Variants in ELMOD1 observed in about 807,000 individuals in gnomAD.
ELMOD1 encodes the protein ELMO domain containing 1.
Under a neutral mutation model 46.7 loss-of-function variants are expected in ELMOD1, and 21 were observed. The observed-to-expected ratio is 0.45, with a 90% CI of 0.32 to 0.65. The LOEUF is 0.65. ELMOD1 is among the 30% of genes least tolerant of loss of function. ELMOD1 has a pLI of 0.04. For synonymous variants in ELMOD1, 122 were observed against 138.2 expected (o/e 0.88, Z 0.82); for missense variants, 348 against 407.8 (o/e 0.85, Z 1.26).
chr11:107,650,543 G>T lies in ELMOD1; in HGVS notation c.623+140G>T, dbSNP rs1014788865. On this transcript the variant is annotated intron_variant, in intron 8 of 11. Coordinates refer to ENST00000265840, the MANE Select transcript of ELMOD1 (RefSeq NM_018712.4). ...CAAACAAGCCCTTGTAATAAATGCT[G>T]AGTTGGAGGGTTAAAACTTCAGGTA... The T allele has an allele frequency of 2.2e-5, 15 of 691,454 alleles. No individual in the cohort carries two copies. The East Asian group carries it at 2.2e-4, about 10-fold the overall frequency. 42.8% of individuals were successfully genotyped at this position (691,454 alleles called of 1,614,324 possible).
chr11:107,608,416 C>T (rs1221612712), intron 1 of ELMOD1, among the ~76,000 whole-genome samples: 1 of 151,948 alleles, frequency 6.6e-6, no homozygotes, highest in Non-Finnish European at 1.5e-5. Context: ...AAGACTTAAG[C>T]ATGCAGAGGT....
At chr11:107,591,721 C>T (rs889212816) in intron 1 of ELMOD1, 2 of 381,934 alleles carry the variant, frequency 5.2e-6, no homozygotes, top group South Asian at 2.0e-5. Flanking sequence ...CGACCTAACG[C>T]CGAGGGCTCG....
intron 2 of ELMOD1, among the ~76,000 whole-genome samples, chr11:107,621,716 A>AT (rs1865952463): frequency 1.6e-5 from 1 of 63,104 alleles, no homozygotes; most frequent in African/African-American, 3.5e-5. Flanking sequence ...ACTGTGAGGT[A>AT]TTGTAGGTGA....
At chr11:107,623,139 C>T (rs1375889242) in intron 2 of ELMOD1, 6 of 152,072 alleles carry the variant, frequency 3.9e-5, no homozygotes, top group Non-Finnish European at 8.8e-5. Context: ...CCCCACCCCA[C>T]AACAGGCCCC....
chr11:107,653,023 A>G (rs1866552598), intron 9 of ELMOD1, among the ~76,000 whole-genome samples: 2 of 152,230 alleles, frequency 1.3e-5, no homozygotes, highest in South Asian at 4.1e-4. Context: ...CAAATTTTAT[A>G]TATAGGAATT....
Position 107,647,471 on chromosome 11 carries a change from T to G in ELMOD1, c.424T>G (p.Trp142Gly). Residue 142 changes from tryptophan (W) to glycine (G), a missense_variant, in exon 7 of 12, where the codon TGG becomes GGG. Coordinates refer to ENST00000265840, the MANE Select transcript of ELMOD1 (RefSeq NM_018712.4). ...PQHEEMLLKL[W>G]KFLKPNTPLE... Reference sequence around the variant, plus strand: ...ATCCTTTTTTTTTTTCCTACAGTTATGGAAATTCTTGAAGCCCAATACTCC... The same window carrying G: ...ATCCTTTTTTTTTTTCCTACAGTTAGGGAAATTCTTGAAGCCCAATACTCC... 1 of 1,609,728 alleles carries G rather than the reference T, an allele frequency of 6.2e-7. No individual in the cohort carries two copies. Among genetic ancestry groups the G allele is most frequent in the Non-Finnish European group, 8.5e-7 (1 of 1,178,690 alleles).
intron 1 of ELMOD1, among the ~76,000 whole-genome samples, chr11:107,606,680 C>T (rs895009123): frequency 2.6e-5 from 4 of 151,992 alleles, no homozygotes; most frequent in Non-Finnish European, 1.5e-5. Flanking sequence ...ACTAAAAATA[C>T]AAAAATTAGC....
At chr11:107,623,625 G>GA (rs2135679967) in intron 2 of ELMOD1, 2 of 152,356 alleles carry the variant, frequency 1.3e-5, no homozygotes, top group South Asian at 4.1e-4. Flanking sequence ...TGTCCAACCT[G>GA]AGAGGAACGT....
chr11:107,636,196 A>G (rs11212307), intron 6 of ELMOD1, among the ~76,000 whole-genome samples: 11,054 of 152,282 alleles, frequency 0.073, 438 homozygotes, highest in South Asian at 0.097. Context: ...GAAATTACCC[A>G]AGATCTTAAT....
chr11:107,654,361 C>T (rs1258187212), intron 10 of ELMOD1, 139 bp downstream of exon 10: 1 of 734,332 alleles, frequency 1.4e-6, no homozygotes, highest in Non-Finnish European at 2.3e-6. Context: ...TTTAAAGTAC[C>T]CTTCTATATG....
intron 2 of ELMOD1, among the ~76,000 whole-genome samples, chr11:107,619,663 C>G (rs148960622): frequency 2.0e-5 from 3 of 152,216 alleles, no homozygotes; most frequent in Admixed American, 1.3e-4. Context: ...AAAATAGTAG[C>G]CTTTGGTTCT....
rs111731783 is a variant in ELMOD1, at chr11:107,604,451, C to T, written c.-86+13042C>T. On this transcript the variant is annotated intron_variant, in intron 1 of 11. Transcript: ENST00000265840. The stretch of plus-strand genomic sequence containing the variant: ...GCAGGTCATTAGTACTCATTTTCAC[C>T]AACCGATAAATTCTTATGCAGAAGC... Among the ~76,000 whole-genome samples the T allele has an allele frequency of 3.9e-3, 587 of 152,280 alleles. 2 individuals are homozygous for T. The highest frequency in any genetic ancestry group is 0.014 in the African/African-American group (567 of 41,562).
At chr11:107,637,576 C>T (rs1254217180) in intron 6 of ELMOD1, among the ~76,000 whole-genome samples, 1 of 152,006 alleles carries the variant, frequency 6.6e-6, no homozygotes, top group Admixed American at 6.6e-5. Context: ...GCCTGTAATC[C>T]CAGGTACTCG....
intron 11 of ELMOD1, among the ~76,000 whole-genome samples, chr11:107,658,785 AT>A (rs1866677700): frequency 1.3e-5 from 2 of 152,206 alleles, no homozygotes; most frequent in East Asian, 1.9e-4. Flanking sequence ...AAATACAAAA[AT>A]TAGCCAGGTG....
At chr11:107,634,238 A>G (rs1866189474) in intron 5 of ELMOD1, among the ~76,000 whole-genome samples, 1 of 152,224 alleles carries the variant, frequency 6.6e-6, no homozygotes, top group Non-Finnish European at 1.5e-5. Context: ...TTAGGAGGAA[A>G]AAATAAACGT....
In ELMOD1 at chr11:107,618,308, G is replaced by A. The variant is rs180719145; in HGVS notation, c.17+102G>A. Reference sequence around the variant, plus strand: ...TCATCGTTTGTGATCCTGTGACCAGGACTCCTAAGATTCTGTGAAATAGCA... The same window carrying A: ...TCATCGTTTGTGATCCTGTGACCAGAACTCCTAAGATTCTGTGAAATAGCA... On this transcript the variant is annotated intron_variant, in intron 2 of 11. Transcript: ENST00000265840. The A allele has an allele frequency of 8.2e-4, 1,089 of 1,326,592 alleles. 7 individuals carry two copies. Among genetic ancestry groups the A allele is most frequent in the East Asian group, 5.3e-4 (21 of 39,844 alleles). The allele number at this position is 1,326,592 out of a possible 1,614,324, so 82.2% of individuals were successfully genotyped here.
At chr11:107,633,828 C>G (rs1866182995) in intron 5 of ELMOD1, among the ~76,000 whole-genome samples, 2 of 152,162 alleles carry the variant, frequency 1.3e-5, no homozygotes, top group Admixed American at 1.3e-4. Context: ...ACTACATGGA[C>G]TTTCTAGGTG....
At position 107,611,014 on chromosome 11, in the gene ELMOD1, A is replaced by AAAG. The variant is rs934132717; in HGVS notation, c.-85-7089_-85-7088insGAA. ...GTAAGAATCCAAAAAAAAAAAAAAA[A>AAAG]AAAGAAAACCTAGGGAACATCATTC... On this transcript the variant is annotated intron_variant, in intron 1 of 11. Transcript: ENST00000265840. Among the ~76,000 whole-genome samples, 3 of 142,636 alleles carry AAAG rather than the reference A, an allele frequency of 2.1e-5. No individual in the cohort carries two copies. In the East Asian group the frequency reaches 8.9e-4, roughly 42 times the overall value. 93.6% of individuals were successfully genotyped at this position (142,636 alleles called of 152,430 possible).
At chr11:107,646,985 TCTAC>T (rs1203899567) in intron 6 of ELMOD1, among the ~76,000 whole-genome samples, 28 of 147,142 alleles carry the variant, frequency 1.9e-4, no homozygotes, top group East Asian at 4.0e-4. Context: ...TATCTATCTA[TCTAC>T]CTATCTACCT....
Sources: allele counts gnomAD v4.1 joint callset (sites outside exome capture counted in the v4.1 genomes callset), GRCh38; gene constraint gnomAD v4.1.1; transcripts MANE v1.5; gene names NCBI Gene and HGNC (gene_info 2026-07-23, HGNC 2026-07-21).